ARHGEF28: variants seen among roughly 807,000 people sequenced by gnomAD.
ARHGEF28 encodes Rho guanine nucleotide exchange factor 28.
Under a neutral mutation model 206.6 loss-of-function variants are expected in ARHGEF28, and 152 were observed. The ratio of observed to expected loss-of-function variants is 0.74; its 90% CI spans 0.64 to 0.84. ARHGEF28 has a LOEUF of 0.84. Ranked by LOEUF, ARHGEF28 falls within the 40% of genes least tolerant of loss-of-function variation. The pLI is 0.00. For missense variants in ARHGEF28, 2,028 were observed against 2,073.2 expected, an observed-to-expected ratio of 0.98 and a Z score of 0.42; for synonymous variants, 763 against 776.4, an observed-to-expected ratio of 0.98 and a Z score of 0.29.
chr5:73,633,017 T>C (rs1250921084), intron 1 of ARHGEF28, among the ~76,000 whole-genome samples: 3 of 151,314 alleles, frequency 2.0e-5, no homozygotes, highest in African/African-American at 7.3e-5. Flanking sequence ...TACCTGGGGC[T>C]GATGGGAGAC....
chr5:73,736,058 C>T (rs1431398524), intron 2 of ARHGEF28, among the ~76,000 whole-genome samples: 1 of 152,224 alleles, frequency 6.6e-6, no homozygotes, highest in Non-Finnish European at 1.5e-5. Flanking sequence ...TTCATACCAT[C>T]TGTGCCTAAC....
chr5:73,774,835 A>G (rs1354531468), intron 5 of ARHGEF28, among the ~76,000 whole-genome samples: 2 of 152,252 alleles, frequency 1.3e-5, no homozygotes. Flanking sequence ...ACAACATGCT[A>G]CATAAATATT....
intron 2 of ARHGEF28, among the ~76,000 whole-genome samples, chr5:73,747,837 T>A (rs900306169): frequency 1.4e-4 from 21 of 152,178 alleles, no homozygotes; most frequent in African/African-American, 5.1e-4. Flanking sequence ...GCAGGCGTGA[T>A]GAATTACAAG....
chr5:73,923,668 G>T (rs1276501712), intron 35 of ARHGEF28, among the ~76,000 whole-genome samples: 2 of 145,202 alleles, frequency 1.4e-5, no homozygotes, highest in Non-Finnish European at 3.0e-5. Context: ...ATTCTTCTTT[G>T]TCTAAAACAA....
At chr5:73,840,043 C>T (rs1158415552) in intron 10 of ARHGEF28, among the ~76,000 whole-genome samples, 22 of 152,140 alleles carry the variant, frequency 1.4e-4, no homozygotes, top group Non-Finnish European at 2.4e-4. Context: ...AAGGAACAAC[C>T]TTATAAAATA....
chr5:73,774,011 A>G lies in ARHGEF28; in HGVS notation c.632A>G (p.His211Arg). 3.1e-6 allele frequency: 5 copies of G among 1,599,932 alleles called. No homozygotes were observed. The highest frequency in any genetic ancestry group is 4.3e-6 in the Non-Finnish European group (5 of 1,173,226). ...TTAGACTTAGCTTTACGTGAAGGAC[A>G]CTCCAAGCTGGTGGAAGACGTCACA... ...TPLDLALREG[H>R]SKLVEDVTNF... The change falls in exon 5 of 36, where the codon CAC (histidine) becomes CGC (arginine). Residue 211 changes from histidine to arginine, a missense_variant. His to Arg is a conservative substitution (Grantham distance 29). Around this residue, in one of 3 missense-constraint regions of ARHGEF28, gnomAD observed 1,002 missense variants for 1,015.3 expected, o/e 0.99. Coordinates refer to ENST00000513042, the MANE Select transcript of ARHGEF28 (RefSeq NM_001177693.2).
intron 12 of ARHGEF28, among the ~76,000 whole-genome samples, chr5:73,847,128 G>A (rs1038428858): frequency 2.6e-5 from 4 of 151,868 alleles, no homozygotes; most frequent in African/African-American, 4.8e-5. Context: ...TTCCCTGTTT[G>A]ATTTGTTATT....
intron 22 of ARHGEF28, among the ~76,000 whole-genome samples, chr5:73,879,865 G>C (rs367889662): frequency 2.6e-4 from 40 of 152,200 alleles, no homozygotes; most frequent in Non-Finnish European, 4.6e-4. Flanking sequence ...TAGGCTGCTC[G>C]GGGGTCAGGG....
Position 73,868,098 on chromosome 5 carries a change from A to G in ARHGEF28, c.2298-2A>G. On this transcript the variant is annotated splice_acceptor_variant, in intron 19 of 35. Coordinates refer to ENST00000513042, the MANE Select transcript of ARHGEF28 (RefSeq NM_001177693.2). LOFTEE classifies it high-confidence loss of function. The stretch of plus-strand genomic sequence containing the variant: ...AACTTTGCTCCCCTCCCTCTCTCCT[A>G]GCTTCAGGAGGTCAGCCACATCCTT... 1 of 1,612,502 alleles carries G rather than the reference A, an allele frequency of 6.2e-7. No individual in the cohort carries two copies.
chr5:73,918,916 A>G (rs1763367321), intron 35 of ARHGEF28, among the ~76,000 whole-genome samples: 1 of 152,156 alleles, frequency 6.6e-6, no homozygotes, highest in African/African-American at 2.4e-5. Context: ...TTGTGTATCT[A>G]ACATTCTTCT....
At chr5:73,857,584 C>T (rs1183755999) in intron 14 of ARHGEF28, 72 bp from the exon 15 acceptor site, 55 of 1,211,904 alleles carry the variant, frequency 4.5e-5, no homozygotes, top group Admixed American at 7.6e-5. Flanking sequence ...CACACACACA[C>T]ACATACACAC....
intron 33 of ARHGEF28, among the ~76,000 whole-genome samples, chr5:73,908,096 T>G (rs1334020721): frequency 6.6e-6 from 1 of 152,204 alleles, no homozygotes; most frequent in African/African-American, 2.4e-5. Flanking sequence ...TTAATACCTA[T>G]TCTGGATGAT....
intron 11 of ARHGEF28, among the ~76,000 whole-genome samples, chr5:73,843,498 T>G (rs1004094691): frequency 2.6e-5 from 4 of 152,126 alleles, no homozygotes; most frequent in Non-Finnish European, 4.4e-5. Context: ...GGAAGCACAG[T>G]TGATAACAAA....
chr5:73,643,277 G>C (rs1408423592), intron 1 of ARHGEF28, among the ~76,000 whole-genome samples: 2 of 152,132 alleles, frequency 1.3e-5, no homozygotes, highest in African/African-American at 4.8e-5. Context: ...AGAGCTGTGA[G>C]TTATAATATT....
At chr5:73,759,648 T>G (rs1432608176) in intron 4 of ARHGEF28, among the ~76,000 whole-genome samples, 1 of 152,212 alleles carries the variant, frequency 6.6e-6, no homozygotes, top group Non-Finnish European at 1.5e-5. Flanking sequence ...TGGGGAACAG[T>G]AGATGTTTGG....
Position 73,909,568 on chromosome 5 carries a change from G to A in ARHGEF28, c.4318G>A (p.Val1440Met), listed in dbSNP as rs867711793. The A allele has an allele frequency of 7.0e-6, 11 of 1,569,636 alleles. No homozygotes were observed. Among genetic ancestry groups the A allele is most frequent in the Non-Finnish European group, 9.5e-6 (11 of 1,157,594 alleles). Residue 1440 changes from valine to methionine, a missense_variant, in exon 34 of 36, where the codon GTG becomes ATG. Transcript: ENST00000513042. ...ADRQHEELAN[V>M]HQLQHQLQQE... ...CAGGCAGCATGAGGAGCTGGCCAAT[G>A]TGCACCAGCTTCAGCACCAGCTCCA...
intron 1 of ARHGEF28, among the ~76,000 whole-genome samples, chr5:73,640,647 G>A (rs1232563327): frequency 6.6e-6 from 1 of 152,160 alleles, no homozygotes; most frequent in Admixed American, 6.5e-5. Context: ...CTTGAGGAGG[G>A]TTTAAATCTA....
chr5:73,661,051 C>T (rs751392292), intron 1 of ARHGEF28, among the ~76,000 whole-genome samples: 16 of 152,320 alleles, frequency 1.1e-4, no homozygotes, highest in Middle Eastern at 3.4e-3. Context: ...CTATGAAAGT[C>T]CTAGATTACA....
rs1483901639 is a variant in ARHGEF28, at chr5:73,840,719, G to T, written c.1386G>T (p.Trp462Cys). The T allele has an allele frequency of 6.2e-7, 1 of 1,611,286 alleles. No homozygotes were observed. Among genetic ancestry groups the T allele is most frequent in the South Asian group, 1.1e-5 (1 of 90,482 alleles). ...CASNLNLSFGWHGFEKEQSHL... is the reference protein window; with the variant it reads ...CASNLNLSFGCHGFEKEQSHL... The stretch of plus-strand genomic sequence containing the variant: ...CCAACTTGAATCTTTCTTTTGGTTG[G>T]CATGGATTTGAAAAGGAACAAAGTC... Residue 462 changes from tryptophan to cysteine, a missense_variant, in exon 11 of 36, where the codon TGG becomes TGT. Trp to Cys is a radical substitution (Grantham distance 215, BLOSUM62 -2). Transcript: ENST00000513042.
Sources: allele counts gnomAD v4.1 joint callset (sites outside exome capture counted in the v4.1 genomes callset), GRCh38; gene constraint gnomAD v4.1.1; regional missense constraint gnomAD v4.1.1; transcripts MANE v1.5; gene names NCBI Gene and HGNC (gene_info 2026-07-23, HGNC 2026-07-21).